The following ZNF670 variants were observed in gnomAD, a reference collection of about 807,000 sequenced individuals.
The protein encoded by ZNF670 is zinc finger protein 670.
In ZNF670, 7 loss-of-function variants were observed where a neutral mutation model predicts 10.9. The ratio of observed to expected loss-of-function variants is 0.64; its 90% CI spans 0.36 to 1.20. ZNF670 has a LOEUF of 1.20. Among genes scored for constraint, ZNF670 ranks in the 50% most tolerant of loss-of-function variants. The pLI, the probability that ZNF670 is intolerant of heterozygous loss-of-function variation, is 0.02. For synonymous variants in ZNF670, 136 were observed against 152.7 expected, an observed-to-expected ratio of 0.89 and a Z score of 0.81; for missense variants, 446 against 458.6, an observed-to-expected ratio of 0.97 and a Z score of 0.25.
At chr1:247,049,707 G>T (rs1670546971) in intron 1 of ZNF670, among the ~76,000 whole-genome samples, 1 of 152,134 alleles carries the variant, frequency 6.6e-6, no homozygotes, top group Non-Finnish European at 1.5e-5. Flanking sequence ...CAGAGGTTTT[G>T]ATAGGTTGTG....
chr1:247,052,590 G>T (rs142612556), intron 1 of ZNF670, among the ~76,000 whole-genome samples: 1 of 152,192 alleles, frequency 6.6e-6, no homozygotes, highest in African/African-American at 2.4e-5. Context: ...CGCTAGCAAT[G>T]AACTTGTCAT....
At chr1:247,042,006 T>C (rs1441819145) in intron 1 of ZNF670, among the ~76,000 whole-genome samples, 1 of 152,208 alleles carries the variant, frequency 6.6e-6, no homozygotes, top group Non-Finnish European at 1.5e-5. Flanking sequence ...TTAATGACTG[T>C]AGGAGGCCCA....
intron 1 of ZNF670, among the ~76,000 whole-genome samples, chr1:247,075,629 C>T (rs1572575908): frequency 1.3e-5 from 2 of 151,820 alleles, no homozygotes; most frequent in Admixed American, 1.3e-4. Flanking sequence ...TGGAGTTTCC[C>T]TGCACAAGCT....
At chr1:247,044,866 C>T (rs764799706) in intron 1 of ZNF670, among the ~76,000 whole-genome samples, 2 of 151,812 alleles carry the variant, frequency 1.3e-5, no homozygotes, top group Non-Finnish European at 2.9e-5. Flanking sequence ...TGCTCACTAT[C>T]TATGTGACAA....
chr1:247,073,725 A>G (rs185421373), intron 1 of ZNF670, among the ~76,000 whole-genome samples: 13 of 152,300 alleles, frequency 8.5e-5, no homozygotes, highest in African/African-American at 3.1e-4. Flanking sequence ...CTCAGAGTCA[A>G]CACATACCCC....
At chr1:247,066,254 C>T (rs1670978098) in intron 1 of ZNF670, among the ~76,000 whole-genome samples, 1 of 152,124 alleles carries the variant, frequency 6.6e-6, no homozygotes, top group African/African-American at 2.4e-5. Context: ...GGAACCCCAC[C>T]CAGGATTGCT....
intron 1 of ZNF670, among the ~76,000 whole-genome samples, chr1:247,077,011 C>T (rs1671270048): frequency 6.6e-6 from 1 of 152,236 alleles, no homozygotes; most frequent in South Asian, 2.1e-4. Flanking sequence ...GTTCTTGCAC[C>T]ACCTCACTGG....
At position 247,037,446 on chromosome 1, in the gene ZNF670, T is replaced by C; in HGVS notation, c.*3A>G. 6.3e-7 allele frequency: 1 copy of C among 1,585,600 alleles called. No individual in the cohort carries two copies. Among genetic ancestry groups the C allele is most frequent in the Non-Finnish European group, 8.6e-7 (1 of 1,168,582 alleles). ...GACAGAGGTGTTTTGTTGTTGTTGT[T>C]TTTTACCACATATAAGCTCTTTCAT... On this transcript the variant is annotated 3_prime_UTR_variant, in exon 4 of 4. Transcript: ENST00000366503.
intron 1 of ZNF670, among the ~76,000 whole-genome samples, chr1:247,045,642 T>C (rs1670424985): frequency 6.6e-6 from 1 of 152,174 alleles, no homozygotes; most frequent in Admixed American, 6.5e-5. Flanking sequence ...GGTATTACTT[T>C]ATATCAATGG....
chr1:247,051,155 A>C lies in ZNF670; in HGVS notation c.4-11618T>G, dbSNP rs912834440. On this transcript the variant is annotated intron_variant, in intron 1 of 3. Transcript: ENST00000366503. ...AACCCCGTCTCTATTAAAAATACAA[A>C]AAATTAGCCGGGCGTGGTGGCAAGC... Among the ~76,000 whole-genome samples the C allele has an allele frequency of 7.9e-5, 12 of 151,998 alleles. 1 individual carries two copies. Among genetic ancestry groups the C allele is most frequent in the African/African-American group, 2.4e-4 (10 of 41,492 alleles).
intron 1 of ZNF670, among the ~76,000 whole-genome samples, chr1:247,063,514 C>T (rs940333576): frequency 4.2e-4 from 58 of 139,192 alleles, no homozygotes; most frequent in Non-Finnish European, 7.1e-4. Context: ...ACCCAGGAGG[C>T]GGAGCTTGCA....
intron 1 of ZNF670, among the ~76,000 whole-genome samples, chr1:247,062,629 T>C (rs1008477846): frequency 6.6e-6 from 1 of 152,174 alleles, no homozygotes; most frequent in Non-Finnish European, 1.5e-5. Flanking sequence ...CTCACTAAAA[T>C]GCTCAGTGAC....
At chr1:247,046,002 T>C (rs7519425) in intron 1 of ZNF670, among the ~76,000 whole-genome samples, 4,210 of 152,244 alleles carry the variant, frequency 0.028, 195 homozygotes, top group African/African-American at 0.094. Context: ...AGGTTTAATT[T>C]AGGAGTAATA....
intron 1 of ZNF670, among the ~76,000 whole-genome samples, chr1:247,040,703 T>A (rs952646812): frequency 7.2e-5 from 11 of 152,194 alleles, no homozygotes; most frequent in Non-Finnish European, 1.3e-4. Flanking sequence ...TATTTTATTT[T>A]TTTGGTGAGA....
At chr1:247,061,225 A>G (rs1670852978) in intron 1 of ZNF670, among the ~76,000 whole-genome samples, 1 of 147,182 alleles carries the variant, frequency 6.8e-6, no homozygotes, top group Non-Finnish European at 1.5e-5. Context: ...TCTGTTGCCC[A>G]GGCTGGAGTG....
intron 1 of ZNF670, among the ~76,000 whole-genome samples, chr1:247,044,473 A>G (rs1172931512): frequency 6.6e-6 from 1 of 152,228 alleles, no homozygotes; most frequent in Non-Finnish European, 1.5e-5. Flanking sequence ...CCAAAGGAAT[A>G]TAAGTTGTTC....
At chr1:247,043,706 A>G in intron 1 of ZNF670, 1 of 467,198 alleles carries the variant, frequency 2.1e-6, no homozygotes, top group Non-Finnish European at 4.2e-6. Context: ...GTCAACAAAG[A>G]AATCAATCAT....
chr1:247,037,833 G>A lies in ZNF670; in HGVS notation c.786C>T (p.Phe262=). The A allele has an allele frequency of 6.2e-7, 1 of 1,613,192 alleles. No individual in the cohort carries two copies. The highest frequency in any genetic ancestry group is 1.1e-5 in the South Asian group (1 of 90,846). The change falls in exon 4 of 4, where the codon TTC becomes TTT. Residue 262 remains phenylalanine (F), a synonymous_variant. Transcript: ENST00000366503. ...GTATTCCCAAGTAAGTGGAACGACT[G>A]AAGGCTTTGCCACATTCCTTACATT... is the stretch of plus-strand genomic sequence containing the variant. ...PYECKECGKA[F]SRSTYLGIHE... is the part of the protein sequence containing the mutation.
At chr1:247,043,355 G>A in intron 1 of ZNF670, 2 of 556,164 alleles carry the variant, frequency 3.6e-6, no homozygotes, top group South Asian at 3.4e-5. Context: ...TTGAGTATTT[G>A]AGCCTTGTAA....
Sources: gnomAD v4.1 joint callset for allele counts (sites outside exome capture counted in the v4.1 genomes callset) on GRCh38, gnomAD v4.1.1 for gene constraint, MANE v1.5 for transcripts, NCBI Gene and HGNC (gene_info 2026-07-23, HGNC 2026-07-21) for gene names.